The following HDAC9 variants were observed in gnomAD, a reference collection of about 807,000 sequenced individuals.
The protein encoded by HDAC9 is histone deacetylase 9, also known as MEF-2 interacting transcription repressor (MITR) protein.
A neutral mutation model predicts 139.4 loss-of-function variants in HDAC9; 41 were observed. The observed-to-expected ratio is 0.29, with a 90% confidence interval of 0.23 to 0.38. The LOEUF is 0.38. Ranked by LOEUF, HDAC9 falls within the 10% of genes least tolerant of loss-of-function variation. The pLI is 1.00. For missense variants in HDAC9, 1,147 were observed against 1,297.0 expected, an observed-to-expected ratio of 0.88 and a Z score of 1.78; for synonymous variants, 517 against 476.2, an observed-to-expected ratio of 1.09 and a Z score of -1.12.
chr7:18,103,969 G>A (rs904834037), intron 1 of HDAC9, among the ~76,000 whole-genome samples: 2 of 152,162 alleles, frequency 1.3e-5, no homozygotes, highest in African/African-American at 4.8e-5. Flanking sequence ...AACCAGCCCC[G>A]GACAGGATGC....
At chr7:18,539,061 C>T (rs1199937189) in intron 2 of HDAC9, among the ~76,000 whole-genome samples, 2 of 152,120 alleles carry the variant, frequency 1.3e-5, no homozygotes, top group Non-Finnish European at 2.9e-5. Flanking sequence ...TCTTAATTAC[C>T]TCCCAAAAGC....
At chr7:18,683,530 T>G (rs1347233023) in intron 12 of HDAC9, among the ~76,000 whole-genome samples, 1 of 152,118 alleles carries the variant, frequency 6.6e-6, no homozygotes, top group African/African-American at 2.4e-5. Flanking sequence ...GAAGGATCTT[T>G]ACTTCCCTAC....
intron 24 of HDAC9, among the ~76,000 whole-genome samples, chr7:18,969,745 C>A (rs777679855): frequency 2.0e-5 from 3 of 152,040 alleles, no homozygotes; most frequent in Non-Finnish European, 4.4e-5. Flanking sequence ...GCATATTATG[C>A]AGTACAGAAG....
In HDAC9 at chr7:18,835,824, G is replaced by A. The variant is rs1585126117; in HGVS notation, c.2587-76G>A. On this transcript the variant is annotated intron_variant, in intron 20 of 25. Transcript: ENST00000686413. The stretch of plus-strand genomic sequence containing the variant: ...ATGTTTATTTCAAGAGCTCCCATGT[G>A]CTTGTTTTCCTCTCTTCTTGCTTTC... 16 of 1,072,860 alleles carry A rather than the reference G, an allele frequency of 1.5e-5. No homozygotes were observed. In the South Asian group the frequency reaches 2.3e-4, roughly 16 times the overall value. The allele number at this position is 1,072,860 out of a possible 1,614,324, so 66.5% of individuals were successfully genotyped here.
chr7:18,678,573 A>G (rs554229098), intron 12 of HDAC9, among the ~76,000 whole-genome samples: 118 of 151,870 alleles, frequency 7.8e-4, no homozygotes, highest in African/African-American at 2.5e-3. Context: ...TAGTGGATGA[A>G]CTTCTGTTAA....
chr7:18,768,866 A>G (rs1211814410), intron 16 of HDAC9, among the ~76,000 whole-genome samples: 1 of 152,200 alleles, frequency 6.6e-6, no homozygotes, highest in Non-Finnish European at 1.5e-5. Context: ...ATATACAGCC[A>G]TTCTATTTTT....
chr7:18,704,867 A>G (rs1783763259), intron 12 of HDAC9, among the ~76,000 whole-genome samples: 1 of 152,184 alleles, frequency 6.6e-6, no homozygotes, highest in Non-Finnish European at 1.5e-5. Context: ...TAAAACATCC[A>G]TTGCCATTAG....
chr7:18,723,535 T>C (rs1329937537), intron 12 of HDAC9, among the ~76,000 whole-genome samples: 3 of 152,192 alleles, frequency 2.0e-5, no homozygotes, highest in Non-Finnish European at 2.9e-5. Context: ...AAGTAGTTAT[T>C]TGTTTCTTAC....
intron 22 of HDAC9, among the ~76,000 whole-genome samples, chr7:18,919,046 T>G (rs1262124122): frequency 6.6e-6 from 1 of 152,082 alleles, no homozygotes; most frequent in East Asian, 1.9e-4. Context: ...GAAAACTTTT[T>G]GCAATAAATA....
intron 25 of HDAC9, among the ~76,000 whole-genome samples, chr7:18,986,594 C>G: frequency 6.7e-6 from 1 of 148,558 alleles, no homozygotes; most frequent in East Asian, 2.0e-4. Flanking sequence ...GTATTTTTTT[C>G]CAATTCTGTG....
chr7:18,339,103 C>T (rs528441926), intron 1 of HDAC9, among the ~76,000 whole-genome samples: 21 of 151,472 alleles, frequency 1.4e-4, no homozygotes, highest in Admixed American at 2.6e-4. Context: ...TCTGTAGTGA[C>T]GTCATTATTT....
At position 18,748,992 on chromosome 7, in the gene HDAC9, C is replaced by T; in HGVS notation, c.1910-13C>T. 1 of 1,612,066 alleles carries T rather than the reference C, an allele frequency of 6.2e-7. No individual in the cohort carries two copies. The highest frequency in any genetic ancestry group is 2.2e-5 in the East Asian group (1 of 44,868). On this transcript the variant is annotated splice_polypyrimidine_tract_variant and intron_variant, in intron 13 of 25. Transcript: ENST00000686413. The stretch of plus-strand genomic sequence containing the variant: ...GTTACTCAATCTTGTCCTGTATTTC[C>T]CTTGTCTTAAAGGAATTGCCTATGA...
At chr7:18,206,330 A>G (rs1204911394) in intron 2 of HDAC9, among the ~76,000 whole-genome samples, 1 of 152,250 alleles carries the variant, frequency 6.6e-6, no homozygotes, top group Non-Finnish European at 1.5e-5. Context: ...TATTAGTTGT[A>G]TAAACCTGAC....
intron 1 of HDAC9, among the ~76,000 whole-genome samples, chr7:18,417,326 A>C (rs1209418825): frequency 6.6e-6 from 1 of 152,168 alleles, no homozygotes; most frequent in Non-Finnish European, 1.5e-5. Context: ...TAAACATGTA[A>C]TTACAGTTTC....
intron 22 of HDAC9, among the ~76,000 whole-genome samples, chr7:18,919,563 T>G (rs928292383): frequency 1.3e-5 from 2 of 151,992 alleles, no homozygotes; most frequent in Non-Finnish European, 2.9e-5. Flanking sequence ...AACCCATTGA[T>G]GTAAATTCAT....
At chr7:18,751,350 A>C (rs1395301684) in intron 14 of HDAC9, among the ~76,000 whole-genome samples, 2 of 152,098 alleles carry the variant, frequency 1.3e-5, no homozygotes, top group East Asian at 3.9e-4. Context: ...ATTTGCTCTT[A>C]ATTAAGATTA....
chr7:18,974,053 C>T (rs1363085681), intron 24 of HDAC9, among the ~76,000 whole-genome samples: 2 of 152,248 alleles, frequency 1.3e-5, no homozygotes, highest in Admixed American at 1.3e-4. Context: ...CTCATCCATC[C>T]CACTCCAGAC....
intron 23 of HDAC9, among the ~76,000 whole-genome samples, chr7:18,936,847 A>T (rs1420038123): frequency 1.3e-5 from 2 of 152,090 alleles, no homozygotes; most frequent in African/African-American, 2.4e-5. Context: ...TTATAAAACA[A>T]AATGTACCTT....
rs1786451398 is a variant in HDAC9 at position 18,996,166 on chromosome 7, T to C, written c.*104T>C. 2.5e-6 allele frequency: 2 copies of C among 799,442 alleles called. No homozygotes were observed. Among genetic ancestry groups the C allele is most frequent in the Admixed American group, 2.4e-5 (1 of 41,414 alleles). The allele number at this position is 799,442 out of a possible 1,614,324, so 49.5% of individuals were successfully genotyped here. A position where few individuals can be genotyped will look rare whatever the true frequency, so the allele number is the denominator to read the frequency against. On this transcript the variant is annotated 3_prime_UTR_variant, in exon 26 of 26. Coordinates refer to ENST00000686413, the MANE Select transcript of HDAC9 (RefSeq NM_178425.4). ...TTGTCTGCTGCCTGGGTGGCACAGA[T>C]TCAATGGAACATAAACACTGGGCAC...
Sources: gnomAD v4.1 joint callset for allele counts (sites outside exome capture counted in the v4.1 genomes callset) on GRCh38, gnomAD v4.1.1 for gene constraint, MANE v1.5 for transcripts, NCBI Gene and HGNC (gene_info 2026-07-23, HGNC 2026-07-21) for gene names.